FANCL: variants seen among roughly 807,000 people sequenced by gnomAD.
The protein encoded by FANCL is E3 ubiquitin-protein ligase FANCL.
A neutral mutation model predicts 59.4 loss-of-function variants in FANCL; 69 were observed. That is an observed-to-expected ratio of 1.16 (90% CI 0.96 to 1.42). FANCL has a LOEUF of 1.42. Ranked by LOEUF, FANCL falls within the 40% of genes most tolerant of loss-of-function variation. FANCL has a pLI of 0.00. For synonymous variants in FANCL, 180 were observed against 147.1 expected (o/e 1.22, Z -1.62); for missense variants, 519 against 447.2 (o/e 1.16, Z -1.45).
intron 5 of FANCL, among the ~76,000 whole-genome samples, chr2:58,216,800 C>A (rs1460380297): frequency 6.6e-6 from 1 of 151,792 alleles, no homozygotes; most frequent in Non-Finnish European, 1.5e-5. Flanking sequence ...TGGGATGTAC[C>A]TAGAGATGTG....
At chr2:58,191,509 T>A (rs1305979830) in intron 7 of FANCL, among the ~76,000 whole-genome samples, 2 of 151,922 alleles carry the variant, frequency 1.3e-5, no homozygotes. Flanking sequence ...TATAGTACAA[T>A]GTATATGTAG....
chr2:58,167,120 G>T (rs1336760560), intron 7 of FANCL, among the ~76,000 whole-genome samples: 1 of 152,214 alleles, frequency 6.6e-6, no homozygotes, highest in African/African-American at 2.4e-5. Context: ...ACAGAGGCAG[G>T]AGAATCACTT....
rs1312795285 is a variant in FANCL at position 58,217,170 on chromosome 2, A to T, written c.374+4772T>A. ...TTATATATATATTTATATATTTTAT[A>T]TATATATATATATATATATATATAT... is the stretch of plus-strand genomic sequence containing the variant. On this transcript the variant is annotated intron_variant, in intron 5 of 13. Transcript: ENST00000233741. 1.1e-4 allele frequency among the ~76,000 whole-genome samples: 3 copies of T among 26,166 alleles called. 1 individual carries two copies. Among genetic ancestry groups the T allele is most frequent in the Admixed American group, 1.1e-3 (2 of 1,768 alleles). The allele number at this position is 26,166 out of a possible 152,430, so 17.2% of individuals were successfully genotyped here.
At chr2:58,175,395 G>C (rs979642561) in intron 7 of FANCL, among the ~76,000 whole-genome samples, 9 of 150,458 alleles carry the variant, frequency 6.0e-5, no homozygotes, top group Admixed American at 5.3e-4. Context: ...ATAAAATACT[G>C]GCAAACAAAA....
At chr2:58,230,553 G>A (rs1425768125) in intron 2 of FANCL, among the ~76,000 whole-genome samples, 11 of 152,106 alleles carry the variant, frequency 7.2e-5, no homozygotes, top group South Asian at 6.2e-4. Context: ...TTGTGCTCCC[G>A]ATACTATTAA....
intron 7 of FANCL, among the ~76,000 whole-genome samples, chr2:58,170,492 A>G (rs981194894): frequency 5.3e-5 from 8 of 152,174 alleles, no homozygotes; most frequent in African/African-American, 1.9e-4. Context: ...CAAAATAACC[A>G]GCTAGCATCA....
chr2:58,217,205 TATATATATATAC>T (rs1409777208), intron 5 of FANCL, among the ~76,000 whole-genome samples: 90 of 8,896 alleles, frequency 0.01, 1 homozygote, highest in East Asian at 0.056. Flanking sequence ...TATATATATA[TATATATATATAC>T]ACACACACAC....
intron 4 of FANCL, among the ~76,000 whole-genome samples, chr2:58,226,417 T>C (rs993372222): frequency 5.9e-5 from 9 of 152,196 alleles, no homozygotes; most frequent in Admixed American, 3.3e-4. Flanking sequence ...TAGGACTACC[T>C]AATCTCTTCT....
At chr2:58,172,981 G>T (rs967479075) in intron 7 of FANCL, among the ~76,000 whole-genome samples, 9 of 152,180 alleles carry the variant, frequency 5.9e-5, no homozygotes, top group Non-Finnish European at 1.0e-4. Context: ...TGAGAACTAC[G>T]TGAAGAATAC....
At chr2:58,182,835 G>C (rs1372592944) in intron 7 of FANCL, among the ~76,000 whole-genome samples, 1 of 151,436 alleles carries the variant, frequency 6.6e-6, no homozygotes, top group Non-Finnish European at 1.5e-5. Flanking sequence ...CAATATAGAA[G>C]ATGCAATAGA....
intron 6 of FANCL, 106 bp from the exon 7 acceptor site, chr2:58,198,768 G>A (rs1375076273): frequency 1.2e-5 from 10 of 813,512 alleles, no homozygotes; most frequent in South Asian, 5.8e-5. Flanking sequence ...GGTGGCTCAC[G>A]CCTGTAATCC....
chr2:58,202,424 G>T (rs893557184), intron 6 of FANCL, among the ~76,000 whole-genome samples: 1 of 150,810 alleles, frequency 6.6e-6, no homozygotes, highest in Non-Finnish European at 1.5e-5. Context: ...GACAGCTATG[G>T]TGTATATATG....
At chr2:58,217,007 A>AG (rs1691787236) in intron 5 of FANCL, among the ~76,000 whole-genome samples, 1 of 150,008 alleles carries the variant, frequency 6.7e-6, no homozygotes, top group Admixed American at 6.7e-5. Context: ...GAGACTAAGG[A>AG]GGGGAATAAG....
At chr2:58,170,547 C>A (rs933418061) in intron 7 of FANCL, among the ~76,000 whole-genome samples, 1 of 151,946 alleles carries the variant, frequency 6.6e-6, no homozygotes, top group African/African-American at 2.4e-5. Context: ...CGAGCTAAAT[C>A]CCCCAATTAA....
Position 58,161,623 on chromosome 2 carries a change from A to C in FANCL, c.919T>G (p.Cys307Gly). The C allele has an allele frequency of 6.2e-7, 1 of 1,609,312 alleles. No individual in the cohort carries two copies. Among genetic ancestry groups the C allele is most frequent in the Non-Finnish European group, 8.5e-7 (1 of 1,176,126 alleles). The part of the protein sequence containing the change: ...ILEKSDFTMD[C>G]GICYAYQLDG... ...AGTTGATAAGCATAACAAATTCCACAATCCATAGTAAAATCCTTCAAAAGA... is the reference window on the plus strand; with the variant it reads ...AGTTGATAAGCATAACAAATTCCACCATCCATAGTAAAATCCTTCAAAAGA... Residue 307 changes from cysteine to glycine, a missense_variant, in exon 12 of 14, where the codon TGT becomes GGT. By Grantham distance (159) the Cys-to-Gly change is radical. Transcript: ENST00000233741.
chr2:58,176,536 T>A (rs1347689317), intron 7 of FANCL, among the ~76,000 whole-genome samples: 1 of 152,150 alleles, frequency 6.6e-6, no homozygotes, highest in Admixed American at 6.6e-5. Context: ...GGGAAAGGAT[T>A]CCCTATTTAA....
At chr2:58,173,734 A>C (rs1221918129) in intron 7 of FANCL, among the ~76,000 whole-genome samples, 1 of 152,174 alleles carries the variant, frequency 6.6e-6, no homozygotes, top group East Asian at 1.9e-4. Context: ...TCAACTAACA[A>C]GCAAAATAAC....
chr2:58,169,747 T>A (rs184091714), intron 7 of FANCL, among the ~76,000 whole-genome samples: 5 of 151,992 alleles, frequency 3.3e-5, no homozygotes, highest in Non-Finnish European at 7.4e-5. Context: ...ACGAGAACTT[T>A]GTGAAGCATA....
intron 7 of FANCL, among the ~76,000 whole-genome samples, chr2:58,187,330 C>A (rs764571426): frequency 6.6e-6 from 1 of 150,664 alleles, no homozygotes; most frequent in Non-Finnish European, 1.5e-5. Context: ...AAACCAAACA[C>A]CGCATGTTCT....
Sources: gnomAD v4.1 joint callset for allele counts (sites outside exome capture counted in the v4.1 genomes callset) on GRCh38, gnomAD v4.1.1 for gene constraint, MANE v1.5 for transcripts, NCBI Gene and HGNC (gene_info 2026-07-23, HGNC 2026-07-21) for gene names.